The following ELAVL4 variants were observed in gnomAD, a reference collection of about 807,000 sequenced individuals.
ELAVL4 encodes ELAV like RNA binding protein 4, also known as ELAV-like protein 4.
In ELAVL4, 1 loss-of-function variant was observed where a neutral mutation model predicts 35.6. The observed-to-expected ratio is 0.03, with a 90% CI of 0.01 to 0.13. ELAVL4 has a LOEUF of 0.13. Ranked by LOEUF, ELAVL4 falls within the 10% of genes least tolerant of loss-of-function variation. The pLI, the probability that ELAVL4 is intolerant of heterozygous loss-of-function variation, is 1.00. For missense variants in ELAVL4, 267 were observed against 464.9 expected (o/e 0.57, Z 3.91); for synonymous variants, 156 against 171.0 (o/e 0.91, Z 0.69).
intron 3 of ELAVL4, among the ~76,000 whole-genome samples, chr1:50,192,519 G>GCGCACACA (rs1032056096): frequency 8.5e-5 from 12 of 140,446 alleles, no homozygotes; most frequent in East Asian, 6.5e-4. Flanking sequence ...TTGTGTGCAC[G>GCGCACACA]CACACACACA....
intron 1 of ELAVL4, among the ~76,000 whole-genome samples, chr1:50,063,509 A>G (rs2148480259): frequency 6.6e-6 from 1 of 152,264 alleles, no homozygotes; most frequent in African/African-American, 2.4e-5. Context: ...CTGTCTCCAG[A>G]TCTCTGTTCC....
At chr1:50,078,116 G>T (rs1354072471) in intron 1 of ELAVL4, among the ~76,000 whole-genome samples, 2 of 151,344 alleles carry the variant, frequency 1.3e-5, no homozygotes, top group Non-Finnish European at 2.9e-5. Context: ...TTGTGTGTGT[G>T]TGTGTGTGTG....
At chr1:50,114,655 G>T (rs751884391) in intron 1 of ELAVL4, among the ~76,000 whole-genome samples, 1 of 152,074 alleles carries the variant, frequency 6.6e-6, no homozygotes, top group Non-Finnish European at 1.5e-5. Context: ...CAAGATGCCC[G>T]ATAATTTCTC....
intron 2 of ELAVL4, among the ~76,000 whole-genome samples, chr1:50,170,691 T>C (rs183469236): frequency 6.6e-6 from 1 of 152,304 alleles, no homozygotes; most frequent in East Asian, 1.9e-4. Flanking sequence ...CACAAGTCCC[T>C]GGGTGATGCC....
intron 2 of ELAVL4, among the ~76,000 whole-genome samples, chr1:50,157,102 G>A (rs977727474): frequency 5.3e-5 from 8 of 152,082 alleles, no homozygotes; most frequent in African/African-American, 9.7e-5. Context: ...AGTCGGGGAC[G>A]GTCTGTAGTT....
chr1:50,052,044 A>T (rs1192252772), intron 1 of ELAVL4, among the ~76,000 whole-genome samples: 2 of 152,022 alleles, frequency 1.3e-5, no homozygotes, highest in African/African-American at 4.8e-5. Context: ...ACCTCCTTTT[A>T]CCTTAATTAC....
At chr1:50,048,527 C>G (rs1347938282) in intron 1 of ELAVL4, among the ~76,000 whole-genome samples, 2 of 152,178 alleles carry the variant, frequency 1.3e-5, no homozygotes, top group East Asian at 1.9e-4. Flanking sequence ...GCAGCAGCCC[C>G]GCGCCACTCC....
chr1:50,053,027 G>T (rs568206303), intron 1 of ELAVL4, among the ~76,000 whole-genome samples: 1 of 152,220 alleles, frequency 6.6e-6, no homozygotes, highest in African/African-American at 2.4e-5. Context: ...TATAATAACA[G>T]AGTTTACAGT....
At chr1:50,148,619 T>C (rs1036285496) in intron 2 of ELAVL4, among the ~76,000 whole-genome samples, 2 of 152,178 alleles carry the variant, frequency 1.3e-5, no homozygotes, top group Non-Finnish European at 2.9e-5. Context: ...ATATCCTGAG[T>C]TGCTTTTGTG....
intron 1 of ELAVL4, among the ~76,000 whole-genome samples, chr1:50,113,212 G>C (rs968237573): frequency 2.0e-5 from 3 of 149,230 alleles, no homozygotes; most frequent in African/African-American, 7.7e-5. Flanking sequence ...GATTTCCTCA[G>C]AGTAAGTCTT....
intron 1 of ELAVL4, among the ~76,000 whole-genome samples, chr1:50,082,068 C>A (rs961581519): frequency 4.6e-5 from 7 of 152,126 alleles, no homozygotes; most frequent in Non-Finnish European, 8.8e-5. Context: ...TTTTCTTTAT[C>A]CAGTCTATCA....
chr1:50,142,728 T>C (rs1267148618), intron 1 of ELAVL4, among the ~76,000 whole-genome samples: 2 of 152,172 alleles, frequency 1.3e-5, no homozygotes, highest in Non-Finnish European at 2.9e-5. Context: ...TGAAGCTAAA[T>C]ATACATACAC....
chr1:50,110,318 G>A (rs572018732), intron 1 of ELAVL4, among the ~76,000 whole-genome samples: 7 of 152,234 alleles, frequency 4.6e-5, no homozygotes, highest in African/African-American at 1.4e-4. Flanking sequence ...TTACACGACT[G>A]CTAAAGTTAA....
intron 1 of ELAVL4, among the ~76,000 whole-genome samples, chr1:50,054,857 A>G (rs992327070): frequency 2.6e-5 from 4 of 152,212 alleles, no homozygotes; most frequent in Admixed American, 6.5e-5. Context: ...GATTCAGCCA[A>G]TACGGAGCAC....
chr1:50,159,884 G>C (rs1430325352), intron 2 of ELAVL4, among the ~76,000 whole-genome samples: 1 of 152,068 alleles, frequency 6.6e-6, no homozygotes, highest in Non-Finnish European at 1.5e-5. Context: ...TGCTGCCCCG[G>C]GGTGGGCAAG....
At chr1:50,088,268 A>G (rs1298256975) in intron 1 of ELAVL4, among the ~76,000 whole-genome samples, 1 of 152,190 alleles carries the variant, frequency 6.6e-6, no homozygotes, top group African/African-American at 2.4e-5. Context: ...TGGACTGGGA[A>G]CTCACTTCTG....
At chr1:50,178,051 T>C (rs886626117) in intron 3 of ELAVL4, among the ~76,000 whole-genome samples, 4 of 152,098 alleles carry the variant, frequency 2.6e-5, no homozygotes, top group Admixed American at 2.6e-4. Context: ...GGGCAGCCGG[T>C]GGTGGTCTAG....
intron 1 of ELAVL4, among the ~76,000 whole-genome samples, chr1:50,054,113 ATATACTGAGTAAATGT>A (rs764534806): frequency 4.6e-4 from 70 of 152,340 alleles, no homozygotes; most frequent in Admixed American, 2.6e-3. Context: ...TATAAGTTTT[ATATACTGAGTAAATGT>A]TGACGTAAAT....
intron 2 of ELAVL4, among the ~76,000 whole-genome samples, chr1:50,165,807 T>A (rs896639511): frequency 3.3e-5 from 5 of 151,256 alleles, no homozygotes; most frequent in Non-Finnish European, 5.9e-5. Context: ...TGTATATGTG[T>A]GTGTGTATAT....
Sources: allele counts gnomAD v4.1 joint callset (sites outside exome capture counted in the v4.1 genomes callset), GRCh38; gene constraint gnomAD v4.1.1; transcripts MANE v1.5; gene names NCBI Gene and HGNC (gene_info 2026-07-23, HGNC 2026-07-21).